RNF123: variants seen among roughly 807,000 people sequenced by gnomAD.
RNF123 encodes the protein ring finger protein 123, also known as E3 ubiquitin-protein ligase RNF123.
RNF123 carries 86 observed loss-of-function variants against 168.5 expected under a neutral mutation model. That is an observed-to-expected ratio of 0.51 (90% CI 0.43 to 0.61). The LOEUF is 0.61. Ranked by LOEUF, RNF123 falls within the 20% of genes least tolerant of loss-of-function variation. The probability of loss-of-function intolerance (pLI) is 0.00; values close to 1 mark genes in which losing one functional copy is unlikely to be tolerated. For synonymous variants in RNF123, 666 were observed against 689.1 expected, an observed-to-expected ratio of 0.97 and a Z score of 0.52; for missense variants, 1,419 against 1,729.7, an observed-to-expected ratio of 0.82 and a Z score of 3.19.
At position 49,715,728 on chromosome 3, in the gene RNF123, G is replaced by T. The variant is rs1375198928; in HGVS notation, c.3150+14G>T. 1 of 1,614,124 alleles carries T rather than the reference G, an allele frequency of 6.2e-7. No homozygotes were observed. The highest frequency in any genetic ancestry group is 1.7e-5 in the Admixed American group (1 of 60,014). ...ATGATCCAAGAGGTGGGCTGTGGTG[G>T]GGCCTCGTGGGTTAGGGTGGTGCAA... is the stretch of plus-strand genomic sequence containing the variant. On this transcript the variant is annotated intron_variant, in intron 32 of 38. Transcript: ENST00000327697.
Position 49,712,660 on chromosome 3 carries a change from A to T in RNF123, c.2674+4A>T. Reference sequence around the variant, plus strand: ...CACAGCATGGAGGAGCTCCCAGGTGATGGAACCATTCAGGCTGAGGCAGAA... The same window carrying T: ...CACAGCATGGAGGAGCTCCCAGGTGTTGGAACCATTCAGGCTGAGGCAGAA... On this transcript the variant is annotated splice_donor_region_variant and intron_variant, in intron 27 of 38. Coordinates refer to ENST00000327697, the MANE Select transcript of RNF123 (RefSeq NM_022064.5). The T allele has an allele frequency of 6.2e-7, 1 of 1,614,116 alleles. No individual in the cohort carries two copies. The highest frequency in any genetic ancestry group is 8.5e-7 in the Non-Finnish European group (1 of 1,180,026).
intron 15 of RNF123, among the ~76,000 whole-genome samples, chr3:49,701,081 A>G (rs2054372894): frequency 6.6e-6 from 1 of 152,216 alleles, no homozygotes; most frequent in Non-Finnish European, 1.5e-5. Flanking sequence ...TGCATGAGTG[A>G]GTGAGAGCAT....
At chr3:49,718,078 C>T in intron 35 of RNF123, 2 of 1,613,636 alleles carry the variant, frequency 1.2e-6, no homozygotes, top group Non-Finnish European at 1.7e-6. Context: ...GCCATTGAGG[C>T]CCCTCCGGCC....
In RNF123 at chr3:49,702,554, C is replaced by A. The variant is rs2054425602; in HGVS notation, c.1630-79C>A. The A allele has an allele frequency of 3.1e-6, 5 of 1,611,078 alleles. No individual in the cohort carries two copies. The Admixed American group carries it at 5.0e-5, about 16-fold the overall frequency. On this transcript the variant is annotated intron_variant, in intron 19 of 38. Coordinates refer to ENST00000327697, the MANE Select transcript of RNF123 (RefSeq NM_022064.5). ...TTTCCCTCCCTGCTTAACCCTCGACCCTCAGGCAGGGCCTTGGATGAGGAA... is the reference window on the plus strand; with the variant it reads ...TTTCCCTCCCTGCTTAACCCTCGACACTCAGGCAGGGCCTTGGATGAGGAA...
At chr3:49,707,640 C>G (rs970221213) in intron 26 of RNF123, among the ~76,000 whole-genome samples, 1 of 152,124 alleles carries the variant, frequency 6.6e-6, no homozygotes, top group African/African-American at 2.4e-5. Context: ...TTGGGCATAC[C>G]CCTGCATGAC....
intron 3 of RNF123, among the ~76,000 whole-genome samples, chr3:49,693,518 A>T (rs377063915): frequency 6.6e-6 from 1 of 151,308 alleles, no homozygotes; most frequent in African/African-American, 2.4e-5. Flanking sequence ...CACCACACCC[A>T]GTTAATTTTG....
chr3:49,712,997 C>T (rs2080173084), intron 27 of RNF123: 1 of 695,220 alleles, frequency 1.4e-6, no homozygotes. Flanking sequence ...GCACTGGTCA[C>T]AAAGCGTAGC....
intron 14 of RNF123, 30 bp from the exon 15 acceptor site, chr3:49,700,606 C>T: frequency 1.2e-6 from 2 of 1,614,174 alleles, no homozygotes; most frequent in East Asian, 2.2e-5. Context: ...TGGGACTCGC[C>T]TGTCCACTCT....
In RNF123 at chr3:49,705,988, G is replaced by C; in HGVS notation, c.2311G>C (p.Gly771Arg). Residue 771 changes from glycine (G) to arginine (R), a missense_variant, in exon 25 of 39, where the codon GGT becomes CGT. By Grantham distance (125) the Gly-to-Arg change is moderately radical (BLOSUM62 -2). Coordinates refer to ENST00000327697, the MANE Select transcript of RNF123 (RefSeq NM_022064.5). ...SVHQQLGKMVGVSDDVNEYAM... is the reference protein window; with the variant it reads ...SVHQQLGKMVRVSDDVNEYAM... The stretch of plus-strand genomic sequence containing the variant: ...GTGGTCCCATGCTGTGTAGATGGTG[G>C]GTGTCTCCGATGATGTCAATGAATA... 1.9e-6 allele frequency: 3 copies of C among 1,613,278 alleles called. No individual in the cohort carries two copies. The highest frequency in any genetic ancestry group is 1.1e-5 in the South Asian group (1 of 91,012).
chr3:49,692,649 A>T (rs1023975497), intron 3 of RNF123, among the ~76,000 whole-genome samples: 3 of 152,214 alleles, frequency 2.0e-5, no homozygotes, highest in Non-Finnish European at 4.4e-5. Flanking sequence ...AGCCTCTGGT[A>T]ACCATCCAGT....
intron 21 of RNF123, 68 bp downstream of exon 21, chr3:49,703,596 T>C: frequency 7.8e-7 from 1 of 1,276,266 alleles, no homozygotes; most frequent in African/African-American, 1.5e-5. Flanking sequence ...GAGCCTGCTC[T>C]GCTGTGGATG....
chr3:49,717,165 CTG>C (rs1167309453), intron 35 of RNF123: 3 of 153,488 alleles, frequency 2.0e-5, no homozygotes, highest in African/African-American at 7.2e-5. Flanking sequence ...ATCCCCTTCA[CTG>C]TGTCTTGTGA....
intron 35 of RNF123, chr3:49,719,422 C>G (rs753401818): frequency 1.2e-6 from 2 of 1,613,582 alleles, no homozygotes. Context: ...TAACCCAACG[C>G]GCAGCATGCA....
At chr3:49,697,776 C>T in intron 5 of RNF123, 109 bp from the exon 6 acceptor site, 1 of 1,379,950 alleles carries the variant, frequency 7.2e-7, no homozygotes, top group South Asian at 1.2e-5. Flanking sequence ...TGTTGGCCGC[C>T]ACAGGCAAAT....
chr3:49,699,010 G>A lies in RNF123; in HGVS notation c.669G>A (p.Glu223=), dbSNP rs2054323291. 6.2e-7 allele frequency: 1 copy of A among 1,613,902 alleles called. No individual in the cohort carries two copies. The highest frequency in any genetic ancestry group is 1.3e-5 in the African/African-American group (1 of 74,938). Residue 223 remains glutamate, a synonymous_variant, in exon 10 of 39, where the codon GAG becomes GAA. Transcript: ENST00000327697. The surrounding 1 kb of genome is among the most constrained non-coding windows in gnomAD (Gnocchi z 4.8). ...GTGTATCACTGGGCACTGCCTTTGAGAACCTGTCCAGGGGCCTGGGTATGG... is the reference window on the plus strand; with the variant it reads ...GTGTATCACTGGGCACTGCCTTTGAAAACCTGTCCAGGGGCCTGGGTATGG... ...LNGVSLGTAF[E]NLSRGLGMAY...
At chr3:49,697,549 C>A in intron 5 of RNF123, 92 bp downstream of exon 5, 1 of 1,043,330 alleles carries the variant, frequency 9.6e-7, no homozygotes, top group Non-Finnish European at 1.4e-6. Context: ...CTCTACTCAT[C>A]TGATGGGGCT....
rs767453255 is a variant in RNF123, at chr3:49,721,012, C to T, written c.3739-8C>T. 7 of 1,610,398 alleles carry T rather than the reference C, an allele frequency of 4.3e-6. No homozygotes were observed. Among genetic ancestry groups the T allele is most frequent in the Middle Eastern group, 1.7e-4 (1 of 6,060 alleles). ...ACTCCAGCCCACCCTTCACTCTCCT[C>T]CCTGCAGCCCACCAGTGAGGAGGAC... On this transcript the variant is annotated splice_polypyrimidine_tract_variant and splice_region_variant and intron_variant, in intron 37 of 38. Coordinates refer to ENST00000327697, the MANE Select transcript of RNF123 (RefSeq NM_022064.5).
chr3:49,714,504 G>T (rs747072667), intron 31 of RNF123, among the ~76,000 whole-genome samples: 2 of 152,212 alleles, frequency 1.3e-5, no homozygotes, highest in African/African-American at 2.4e-5. Flanking sequence ...TCTGTCCCTT[G>T]CCCTTTAAGC....
intron 26 of RNF123, 64 bp downstream of exon 26, chr3:49,706,962 G>A (rs2108191270): frequency 7.2e-7 from 1 of 1,382,820 alleles, no homozygotes. Flanking sequence ...TAGCAAGATT[G>A]TGCCAGGGCC....
Sources: allele counts gnomAD v4.1 joint callset (sites outside exome capture counted in the v4.1 genomes callset), GRCh38; gene constraint gnomAD v4.1.1; non-coding constraint Gnocchi (gnomAD v3.1); transcripts MANE v1.5; gene names NCBI Gene and HGNC (gene_info 2026-07-23, HGNC 2026-07-21).